BCAS4: variants seen among roughly 807,000 people sequenced by gnomAD.
BCAS4 encodes breast carcinoma-amplified sequence 4.
In BCAS4, 9 loss-of-function variants were observed where a neutral mutation model predicts 15.7. The ratio of observed to expected loss-of-function variants is 0.57; its 90% CI spans 0.34 to 1.00. BCAS4 has a LOEUF of 1.00. Ranked by LOEUF, BCAS4 falls within the 50% of genes least tolerant of loss-of-function variation. The probability of loss-of-function intolerance (pLI) is 0.02; values close to 1 mark genes in which losing one functional copy is unlikely to be tolerated. For synonymous variants in BCAS4, 101 were observed against 99.5 expected, an observed-to-expected ratio of 1.02 and a Z score of -0.09; for missense variants, 225 against 239.1, an observed-to-expected ratio of 0.94 and a Z score of 0.39.
In BCAS4 at chr20:50,830,296, A is replaced by G; in HGVS notation, c.180A>G (p.Ser60=). 6.2e-7 allele frequency: 1 copy of G among 1,613,962 alleles called. No homozygotes were observed. The highest frequency in any genetic ancestry group is 8.5e-7 in the Non-Finnish European group (1 of 1,179,868). The change falls in exon 3 of 5, where the codon TCA becomes TCG. Residue 60 remains serine, a synonymous_variant. Transcript: ENST00000371608. ...CCTTGCAGATCAGGAGTGATACTTCACAGATCCTGGAGGAAAACATCCCAG... is the reference window on the plus strand; with the variant it reads ...CCTTGCAGATCAGGAGTGATACTTCGCAGATCCTGGAGGAAAACATCCCAG... ...SLADLIRSDT[S]QILEENIPVL...
intron 2 of BCAS4, among the ~76,000 whole-genome samples, chr20:50,822,115 T>G (rs2088223317): frequency 6.6e-6 from 1 of 152,178 alleles, no homozygotes; most frequent in South Asian, 2.1e-4. Context: ...ACTTGTCTGG[T>G]ACCTGGGCTG....
At chr20:50,848,580 A>T (rs1299126421) in intron 4 of BCAS4, among the ~76,000 whole-genome samples, 2 of 152,196 alleles carry the variant, frequency 1.3e-5, no homozygotes, top group Non-Finnish European at 2.9e-5. Flanking sequence ...CACTATTCTA[A>T]GGGCGATTCT....
At chr20:50,847,694 CT>C (rs2088563037) in intron 4 of BCAS4, among the ~76,000 whole-genome samples, 1 of 152,138 alleles carries the variant, frequency 6.6e-6, no homozygotes. Context: ...GCTGTGATCT[CT>C]TCAGGGAGCT....
At chr20:50,852,274 A>G (rs1978473750) in intron 4 of BCAS4, among the ~76,000 whole-genome samples, 1 of 152,184 alleles carries the variant, frequency 6.6e-6, no homozygotes, top group African/African-American at 2.4e-5. Context: ...CAGAGAGGCC[A>G]GGTTGGGGCT....
At chr20:50,840,320 C>T (rs2088461065) in intron 3 of BCAS4, among the ~76,000 whole-genome samples, 1 of 152,110 alleles carries the variant, frequency 6.6e-6, no homozygotes, top group Admixed American at 6.6e-5. Flanking sequence ...AACTGCATTA[C>T]AGCCTGCAGG....
chr20:50,806,913 C>T (rs902309811), intron 1 of BCAS4, among the ~76,000 whole-genome samples: 3 of 142,340 alleles, frequency 2.1e-5, no homozygotes, highest in Non-Finnish European at 4.5e-5. Context: ...ACTCTGTTGC[C>T]CAGGCTGGAG....
chr20:50,819,804 G>C (rs73278675), intron 2 of BCAS4, among the ~76,000 whole-genome samples: 1 of 119,084 alleles, frequency 8.4e-6, no homozygotes, highest in Non-Finnish European at 1.8e-5. Context: ...CTGTCTTTCC[G>C]TCTTTCTGTC....
At chr20:50,841,692 A>T (rs1362180901) in intron 3 of BCAS4, 74 bp from the exon 4 acceptor site, 1 of 1,601,822 alleles carries the variant, frequency 6.2e-7, no homozygotes, top group East Asian at 2.2e-5. Context: ...AGTCCCCACC[A>T]GCCCAGGGAG....
chr20:50,865,297 G>A (rs930266103), intron 4 of BCAS4, among the ~76,000 whole-genome samples: 3 of 152,056 alleles, frequency 2.0e-5, no homozygotes, highest in African/African-American at 7.2e-5. Flanking sequence ...GAGGGGACTT[G>A]GCCCATGGAC....
At chr20:50,803,607 C>G (rs928201149) in intron 1 of BCAS4, among the ~76,000 whole-genome samples, 1 of 151,974 alleles carries the variant, frequency 6.6e-6, no homozygotes, top group Non-Finnish European at 1.5e-5. Context: ...CTTTGGGAGG[C>G]TGAAGCGAGA....
At chr20:50,796,481 ATATATATTTTTTTTTTT>A (rs2087863949) in intron 1 of BCAS4, among the ~76,000 whole-genome samples, 1 of 11,560 alleles carries the variant, frequency 8.7e-5, no homozygotes, top group African/African-American at 3.6e-4. Flanking sequence ...ATATATATAT[ATATATATTTTTTTTTTT>A]TTTTTTTTTT....
chr20:50,800,559 C>CTTTTTT (rs562113048), intron 1 of BCAS4, among the ~76,000 whole-genome samples: 1 of 112,628 alleles, frequency 8.9e-6, no homozygotes, highest in Non-Finnish European at 1.8e-5. Flanking sequence ...TTGAACATCC[C>CTTTTTT]TTTTTTTTTT....
rs925513466 is a variant in BCAS4, at chr20:50,822,174, C to T, written c.162+3892C>T. The stretch of plus-strand genomic sequence containing the variant: ...TGGTTGGTGTAACTTGCCCCGTGCA[C>T]GCTCTCCACGTGGCTGGCGTGGGCT... On this transcript the variant is annotated intron_variant, in intron 2 of 4. Coordinates refer to ENST00000371608, the MANE Select transcript of BCAS4 (RefSeq NM_198799.4). Among the ~76,000 whole-genome samples the T allele has an allele frequency of 3.3e-5, 5 of 152,110 alleles. No homozygotes were observed. In the East Asian group the frequency reaches 5.8e-4, roughly 18 times the overall value.
rs547184210 is a variant in BCAS4 at position 50,867,591 on chromosome 20, C to CA, written c.400-8893dup. On this transcript the variant is annotated intron_variant, in intron 4 of 4. Coordinates refer to ENST00000371608, the MANE Select transcript of BCAS4 (RefSeq NM_198799.4). ...CAGGCTGGTCTTGAAACCCTGCACT[C>CA]AAGGGATCCTCCTGCCTTGGCCTCC... Among the ~76,000 whole-genome samples, 19 of 152,248 alleles carry CA rather than the reference C, an allele frequency of 1.2e-4. No homozygotes were observed. In the South Asian group the frequency reaches 3.9e-3, roughly 32 times the overall value.
At chr20:50,872,809 C>A (rs1228345839) in intron 4 of BCAS4, among the ~76,000 whole-genome samples, 2 of 152,222 alleles carry the variant, frequency 1.3e-5, no homozygotes, top group African/African-American at 4.8e-5. Flanking sequence ...AGCGTGTCCT[C>A]CAAGGTGTCA....
intron 4 of BCAS4, among the ~76,000 whole-genome samples, chr20:50,858,054 A>G (rs6013031): frequency 0.54 from 81,528 of 151,820 alleles, 25,660 homozygotes; most frequent in African/African-American, 0.89. Context: ...AAGAACTAGC[A>G]ACTCCAGCCC....
intron 2 of BCAS4, among the ~76,000 whole-genome samples, chr20:50,827,070 G>T (rs1026343423): frequency 6.6e-6 from 1 of 152,198 alleles, no homozygotes; most frequent in Non-Finnish European, 1.5e-5. Context: ...GCTATTCACT[G>T]AACTCCACGC....
At chr20:50,840,782 A>C in intron 3 of BCAS4, 1 of 1,509,186 alleles carries the variant, frequency 6.6e-7, no homozygotes, top group South Asian at 1.1e-5. Context: ...GAGGCACGCG[A>C]GAACGAGCGA....
At chr20:50,833,354 A>G (rs79221857) in intron 3 of BCAS4, among the ~76,000 whole-genome samples, 1,569 of 152,348 alleles carry the variant, frequency 0.01, 15 homozygotes, top group Non-Finnish European at 0.013. Flanking sequence ...CCGAAGAGTC[A>G]GGACAGCCTA....
Sources: gnomAD v4.1 joint callset for allele counts (sites outside exome capture counted in the v4.1 genomes callset) on GRCh38, gnomAD v4.1.1 for gene constraint, MANE v1.5 for transcripts, NCBI Gene and HGNC (gene_info 2026-07-23, HGNC 2026-07-21) for gene names.